SLC25A24: variants seen among roughly 807,000 people sequenced by gnomAD.
The protein encoded by SLC25A24 is solute carrier family 25 member 24, also known as mitochondrial adenyl nucleotide antiporter SLC25A24.
Under a neutral mutation model 60.7 loss-of-function variants are expected in SLC25A24, and 49 were observed. That is an observed-to-expected ratio of 0.81 (90% CI 0.64 to 1.02). The LOEUF (loss-of-function observed/expected upper bound fraction) is 1.02. Among genes scored for constraint, SLC25A24 ranks in the 50% least tolerant of loss-of-function variants. The probability of loss-of-function intolerance (pLI) is 0.00; values close to 1 mark genes in which losing one functional copy is unlikely to be tolerated. For synonymous variants in SLC25A24, 202 were observed against 200.6 expected (o/e 1.01, Z -0.06); for missense variants, 564 against 586.3 (o/e 0.96, Z 0.39).
At chr1:108,184,434 T>C (rs778503822) in intron 2 of SLC25A24, among the ~76,000 whole-genome samples, 1 of 152,214 alleles carries the variant, frequency 6.6e-6, no homozygotes, top group Non-Finnish European at 1.5e-5. Context: ...ATTGTAAGGC[T>C]TATGGGCAAC....
chr1:108,152,870 G>A (rs988728322), intron 6 of SLC25A24, among the ~76,000 whole-genome samples: 4 of 152,222 alleles, frequency 2.6e-5, no homozygotes, highest in African/African-American at 9.6e-5. Context: ...AACTAGAACA[G>A]AAGGCTTCCC....
In SLC25A24 at chr1:108,134,481, G is replaced by C. The variant is rs750264502; in HGVS notation, c.*2172C>G. On this transcript the variant is annotated 3_prime_UTR_variant, in exon 10 of 10. Coordinates refer to ENST00000565488, the MANE Select transcript of SLC25A24 (RefSeq NM_013386.5). ...AAACTGATACTCCACGGCAAAATGA[G>C]CCTGGCCAATCCTGAGGCTCTGGGT... The C allele has an allele frequency of 6.6e-6, 1 of 152,130 alleles. No individual in the cohort carries two copies. Among genetic ancestry groups the C allele is most frequent in the African/African-American group, 2.4e-5 (1 of 41,424 alleles). The allele number at this position is 152,130 out of a possible 1,614,324, so 9.4% of individuals were successfully genotyped here. A position where few individuals can be genotyped will look rare whatever the true frequency, so the allele number is the denominator to read the frequency against.
At position 108,136,588 on chromosome 1, in the gene SLC25A24, G is replaced by A; in HGVS notation, c.*65C>T. On this transcript the variant is annotated 3_prime_UTR_variant, in exon 10 of 10. Coordinates refer to ENST00000565488, the MANE Select transcript of SLC25A24 (RefSeq NM_013386.5). ...TGCCATAGACTTGTTTCAATTCGAG[G>A]AGAAAAAGTCACTCCAGAGATTGTT... 7.3e-7 allele frequency: 1 copy of A among 1,377,488 alleles called. No individual in the cohort carries two copies. The highest frequency in any genetic ancestry group is 1.0e-6 in the Non-Finnish European group (1 of 989,416). The allele number at this position is 1,377,488 out of a possible 1,614,324, so 85.3% of individuals were successfully genotyped here.
intron 4 of SLC25A24, among the ~76,000 whole-genome samples, chr1:108,160,677 C>A (rs533026625): frequency 6.6e-6 from 1 of 152,208 alleles, no homozygotes; most frequent in East Asian, 1.9e-4. Context: ...ACTGAGTGAA[C>A]GAGACTCCGT....
chr1:108,140,042 T>C (rs1298380970), intron 8 of SLC25A24, among the ~76,000 whole-genome samples: 1 of 152,134 alleles, frequency 6.6e-6, no homozygotes, highest in Non-Finnish European at 1.5e-5. Flanking sequence ...ATATATATGA[T>C]AATCAACTTT....
intron 8 of SLC25A24, among the ~76,000 whole-genome samples, chr1:108,142,452 G>A (rs1679468897): frequency 6.6e-6 from 1 of 152,096 alleles, no homozygotes; most frequent in South Asian, 2.1e-4. Context: ...AAGAAATGAA[G>A]TTCTGATACA....
intron 6 of SLC25A24, 81 bp downstream of exon 6, chr1:108,154,902 A>C (rs1327603207): frequency 3.7e-6 from 4 of 1,084,410 alleles, no homozygotes; most frequent in South Asian, 1.7e-5. Flanking sequence ...CAAGAATCCC[A>C]AAAGCATTAT....
intron 1 of SLC25A24, among the ~76,000 whole-genome samples, chr1:108,196,618 A>G (rs1648504701): frequency 4.6e-5 from 7 of 152,198 alleles, no homozygotes. Flanking sequence ...ATAAGCATTG[A>G]TTTCTTGCAG....
rs372337587 is a variant in SLC25A24 at position 108,161,162 on chromosome 1, A to T, written c.510+20T>A. 6 of 1,270,394 alleles carry T rather than the reference A, an allele frequency of 4.7e-6. No individual in the cohort carries two copies. Among genetic ancestry groups the T allele is most frequent in the African/African-American group, 4.4e-5 (3 of 68,102 alleles). The allele number at this position is 1,270,394 out of a possible 1,614,324, so 78.7% of individuals were successfully genotyped here. On this transcript the variant is annotated intron_variant, in intron 4 of 9. Coordinates refer to ENST00000565488, the MANE Select transcript of SLC25A24 (RefSeq NM_013386.5). ...TGGTTTATAGCTCCAAATAAGTATA[A>T]ATACATAAAGTAGACTTACTGTAGA... is the stretch of plus-strand genomic sequence containing the variant.
intron 1 of SLC25A24, among the ~76,000 whole-genome samples, chr1:108,186,547 C>T (rs558766946): frequency 4.6e-5 from 7 of 152,038 alleles, no homozygotes; most frequent in Non-Finnish European, 8.8e-5. Flanking sequence ...AGAGCAAGAC[C>T]CTGTCTCTAA....
Position 108,139,113 on chromosome 1 carries a change from A to G in SLC25A24, c.1194T>C (p.Cys398=). 6.2e-7 allele frequency: 1 copy of G among 1,610,378 alleles called. No individual in the cohort carries two copies. ...CCAATGGGTAGCTGGCCAGCTGACCACAGGTGCTGGATAAGGCACCGCATC... is the reference window on the plus strand; with the variant it reads ...CCAATGGGTAGCTGGCCAGCTGACCGCAGGTGCTGGATAAGGCACCGCATC... The part of the protein sequence containing the change: ...LLGCGALSST[C]GQLASYPLAL... The change falls in exon 9 of 10, where the codon TGT becomes TGC. Residue 398 remains cysteine, a synonymous_variant. Transcript: ENST00000565488.
chr1:108,199,776 TACCGGGGTCGCCGGTCGCG>T (rs1648602163), intron 1 of SLC25A24, 161 bp downstream of exon 1: 1 of 599,976 alleles, frequency 1.7e-6, no homozygotes, highest in South Asian at 2.0e-5. Flanking sequence ...CCACTTCTGT[TACCGGGGTCGCCGGTCGCG>T]GCCCCACGCC....
At chr1:108,186,982 C>A (rs1470820707) in intron 1 of SLC25A24, among the ~76,000 whole-genome samples, 2 of 150,130 alleles carry the variant, frequency 1.3e-5, no homozygotes, top group African/African-American at 4.9e-5. Flanking sequence ...GAGGCTGAGG[C>A]AAAAGAATCG....
Position 108,157,562 on chromosome 1 carries a change from T to A in SLC25A24, c.569A>T (p.Lys190Ile). The change falls in exon 5 of 10, where the codon AAA (lysine) becomes ATA (isoleucine). Residue 190 changes from lysine to isoleucine, a missense_variant. Coordinates refer to ENST00000565488, the MANE Select transcript of SLC25A24 (RefSeq NM_013386.5). ...AAGCTGCCTCCACCATTGTCCGGATTTTTTTTCGTCTTCCGTGAATTCATC... is the reference window on the plus strand; with the variant it reads ...AAGCTGCCTCCACCATTGTCCGGATATTTTTTCGTCTTCCGTGAATTCATC... ...IPDEFTEDEKKSGQWWRQLLA... is the reference protein window; with the variant it reads ...IPDEFTEDEKISGQWWRQLLA... 1.2e-6 allele frequency: 2 copies of A among 1,614,082 alleles called. No individual in the cohort carries two copies. The highest frequency in any genetic ancestry group is 1.7e-6 in the Non-Finnish European group (2 of 1,180,018).
chr1:108,148,812 A>G (rs1268171847), intron 6 of SLC25A24, among the ~76,000 whole-genome samples: 6 of 152,230 alleles, frequency 3.9e-5, no homozygotes. Context: ...ACAATCCTAG[A>G]ATACAAATCA....
At chr1:108,196,326 G>T (rs568980608) in intron 1 of SLC25A24, among the ~76,000 whole-genome samples, 2 of 152,318 alleles carry the variant, frequency 1.3e-5, no homozygotes, top group East Asian at 3.9e-4. Context: ...TCACCAGCTA[G>T]TAAATGGGAT....
chr1:108,166,436 A>T lies in SLC25A24; in HGVS notation c.399-5143T>A, dbSNP rs1273653907. Among the ~76,000 whole-genome samples the T allele has an allele frequency of 9.9e-5, 15 of 152,236 alleles. No homozygotes were observed. The East Asian group carries it at 2.9e-3, about 29-fold the overall frequency. On this transcript the variant is annotated intron_variant, in intron 3 of 9. Transcript: ENST00000565488. ...CCCGTCACTTTCAGGTACACCAATCAGACATAGATTTGGTCTTTTCACATA... is the reference window on the plus strand; with the variant it reads ...CCCGTCACTTTCAGGTACACCAATCTGACATAGATTTGGTCTTTTCACATA...
chr1:108,136,603 C>A lies in SLC25A24; in HGVS notation c.*50G>T, dbSNP rs1246219875. ...TCAATTCGAGGAGAAAAAGTCACTCCAGAGATTGTTGAAAGTTTCAATTAT... is the reference window on the plus strand; with the variant it reads ...TCAATTCGAGGAGAAAAAGTCACTCAAGAGATTGTTGAAAGTTTCAATTAT... On this transcript the variant is annotated 3_prime_UTR_variant, in exon 10 of 10. Transcript: ENST00000565488. 1 of 1,505,696 alleles carries A rather than the reference C, an allele frequency of 6.6e-7. No homozygotes were observed. Among genetic ancestry groups the A allele is most frequent in the East Asian group, 2.3e-5 (1 of 44,050 alleles). 93.3% of individuals were successfully genotyped at this position (1,505,696 alleles called of 1,614,324 possible). A position where few individuals can be genotyped will look rare whatever the true frequency, so the allele number is the denominator to read the frequency against.
chr1:108,189,644 G>A (rs987341364), intron 1 of SLC25A24, among the ~76,000 whole-genome samples: 6 of 151,824 alleles, frequency 4.0e-5, no homozygotes, highest in Admixed American at 1.3e-4. Flanking sequence ...GTGAAATCCC[G>A]TTTCTACTAA....
Sources: allele counts gnomAD v4.1 joint callset (sites outside exome capture counted in the v4.1 genomes callset), GRCh38; gene constraint gnomAD v4.1.1; transcripts MANE v1.5; gene names NCBI Gene and HGNC (gene_info 2026-07-23, HGNC 2026-07-21).